Variants in CSMD3 observed in about 807,000 individuals in gnomAD.
CSMD3 encodes the protein CUB and Sushi multiple domains 3, also known as CUB and sushi domain-containing protein 3.
Under a neutral mutation model 435.2 loss-of-function variants are expected in CSMD3, and 177 were observed. That is an observed-to-expected ratio of 0.41 (90% CI 0.36 to 0.46). CSMD3 has a LOEUF of 0.46. Ranked by LOEUF, CSMD3 falls within the 20% of genes least tolerant of loss-of-function variation. The probability of loss-of-function intolerance (pLI) is 0.34; values close to 1 mark genes in which losing one functional copy is unlikely to be tolerated. For synonymous variants in CSMD3, 1,656 were observed against 1,520.5 expected (o/e 1.09, Z -2.07); for missense variants, 4,265 against 4,504.6 (o/e 0.95, Z 1.52).
At chr8:112,951,531 T>C (rs934635429) in intron 8 of CSMD3, among the ~76,000 whole-genome samples, 1 of 151,828 alleles carries the variant, frequency 6.6e-6, no homozygotes, top group Non-Finnish European at 1.5e-5. Flanking sequence ...TATCAAGTGC[T>C]TTGGATCTTT....
At chr8:113,222,311 T>A (rs1004801402) in intron 3 of CSMD3, among the ~76,000 whole-genome samples, 1 of 151,098 alleles carries the variant, frequency 6.6e-6, no homozygotes, top group Admixed American at 6.6e-5. Flanking sequence ...GGAAGATCTC[T>A]CTTCTTCTTT....
At chr8:112,981,093 T>C (rs1050538681) in intron 6 of CSMD3, among the ~76,000 whole-genome samples, 3 of 151,498 alleles carry the variant, frequency 2.0e-5, no homozygotes, top group Non-Finnish European at 4.4e-5. Flanking sequence ...CTTATAAAAT[T>C]TGATTTCAAA....
intron 41 of CSMD3, among the ~76,000 whole-genome samples, chr8:112,343,700 C>T (rs1825392725): frequency 6.6e-6 from 1 of 152,024 alleles, no homozygotes. Context: ...CCCAGCTGCT[C>T]AGTGGCATGA....
Position 112,227,641 on chromosome 8 carries a change from C to A in CSMD3, c.10964+1115G>T, listed in dbSNP as rs576945738. Among the ~76,000 whole-genome samples the A allele has an allele frequency of 3.3e-5, 5 of 152,200 alleles. No individual in the cohort carries two copies. The South Asian group carries it at 8.3e-4, about 25-fold the overall frequency. ...AAATTTAGTGATGATTATTCTTTAT[C>A]TATTAATAAAATCTGATATTGACTA... On this transcript the variant is annotated intron_variant, in intron 70 of 70. Transcript: ENST00000297405.
chr8:112,400,840 A>G (rs554947002), intron 35 of CSMD3, among the ~76,000 whole-genome samples: 23 of 152,306 alleles, frequency 1.5e-4, no homozygotes, highest in Non-Finnish European at 2.9e-5. Context: ...TTGAAATACA[A>G]AAACACTTTG....
chr8:112,410,053 T>C (rs1368981036), intron 32 of CSMD3, among the ~76,000 whole-genome samples: 2 of 151,958 alleles, frequency 1.3e-5, no homozygotes, highest in Non-Finnish European at 2.9e-5. Flanking sequence ...TCAAATTGTA[T>C]ACCTCAAATG....
At chr8:113,109,123 C>G (rs79255070) in intron 4 of CSMD3, among the ~76,000 whole-genome samples, 4 of 152,178 alleles carry the variant, frequency 2.6e-5, no homozygotes, top group African/African-American at 9.7e-5. Flanking sequence ...CAGATAAAGA[C>G]TCACACATAT....
intron 20 of CSMD3, among the ~76,000 whole-genome samples, chr8:112,643,014 T>A (rs551112691): frequency 1.3e-5 from 2 of 152,246 alleles, no homozygotes; most frequent in South Asian, 4.1e-4. Flanking sequence ...GAAAATATTA[T>A]CTTATGATGA....
chr8:112,381,606 T>C (rs970504572), intron 37 of CSMD3, among the ~76,000 whole-genome samples: 1 of 152,202 alleles, frequency 6.6e-6, no homozygotes, highest in Non-Finnish European at 1.5e-5. Flanking sequence ...ATGTCTTCTA[T>C]GGAAGAACAG....
intron 1 of CSMD3, among the ~76,000 whole-genome samples, chr8:113,417,423 TA>T (rs1297778949): frequency 6.6e-6 from 1 of 151,926 alleles, no homozygotes; most frequent in South Asian, 2.1e-4. Flanking sequence ...GTTATGATGG[TA>T]AAAAACAAAG....
chr8:113,013,664 C>A (rs953581646), intron 6 of CSMD3, among the ~76,000 whole-genome samples: 1 of 152,010 alleles, frequency 6.6e-6, no homozygotes, highest in African/African-American at 2.4e-5. Context: ...ATCTAGATAG[C>A]TAATCTTCAG....
intron 8 of CSMD3, among the ~76,000 whole-genome samples, chr8:112,948,142 G>A (rs2083680769): frequency 1.3e-5 from 2 of 151,734 alleles, no homozygotes; most frequent in Admixed American, 6.6e-5. Flanking sequence ...TATCACTTTT[G>A]TTTTTAGTTT....
chr8:112,367,339 T>G (rs78732803), intron 38 of CSMD3, among the ~76,000 whole-genome samples: 2,073 of 152,262 alleles, frequency 0.014, 50 homozygotes, highest in African/African-American at 0.047. Flanking sequence ...TTACTACAGT[T>G]AAATAAAAGC....
chr8:112,588,447 C>A (rs745326632), intron 22 of CSMD3, among the ~76,000 whole-genome samples: 30 of 149,190 alleles, frequency 2.0e-4, no homozygotes, highest in Non-Finnish European at 3.7e-4. Flanking sequence ...AAAAGTTACC[C>A]CTAAATTCCT....
At chr8:112,479,311 G>A (rs1279018202) in intron 31 of CSMD3, among the ~76,000 whole-genome samples, 1 of 152,178 alleles carries the variant, frequency 6.6e-6, no homozygotes, top group Non-Finnish European at 1.5e-5. Flanking sequence ...GTAAACGTTT[G>A]AAAAATTCAC....
chr8:113,007,043 T>C (rs1318430413), intron 6 of CSMD3, among the ~76,000 whole-genome samples: 1 of 151,848 alleles, frequency 6.6e-6, no homozygotes, highest in East Asian at 1.9e-4. Context: ...AGTAAGAAAT[T>C]TGGAAAAAGA....
chr8:112,376,285 A>G (rs1022772785), intron 38 of CSMD3, among the ~76,000 whole-genome samples: 3 of 152,176 alleles, frequency 2.0e-5, no homozygotes, highest in Non-Finnish European at 4.4e-5. Flanking sequence ...TATGTCGAGC[A>G]TAGTGCCTGA....
intron 27 of CSMD3, among the ~76,000 whole-genome samples, chr8:112,539,917 A>T (rs760733702): frequency 2.6e-5 from 4 of 152,102 alleles, no homozygotes; most frequent in African/African-American, 9.7e-5. Context: ...ATCAAACTAA[A>T]CAGCTTCTGT....
chr8:112,355,763 G>A (rs1826539036), intron 38 of CSMD3, among the ~76,000 whole-genome samples: 1 of 152,090 alleles, frequency 6.6e-6, no homozygotes, highest in Non-Finnish European at 1.5e-5. Context: ...AACCCAGGAG[G>A]CGGAGCTTGC....
Sources: gnomAD v4.1 joint callset for allele counts (sites outside exome capture counted in the v4.1 genomes callset) on GRCh38, gnomAD v4.1.1 for gene constraint, MANE v1.5 for transcripts, NCBI Gene and HGNC (gene_info 2026-07-23, HGNC 2026-07-21) for gene names.